DCC: variants seen among roughly 807,000 people sequenced by gnomAD.
DCC encodes the protein DCC netrin 1 receptor, also known as netrin receptor DCC.
DCC carries 58 observed loss-of-function variants against 172.5 expected under a neutral mutation model. The observed-to-expected ratio is 0.34, with a 90% CI of 0.27 to 0.42. DCC has a LOEUF of 0.42. DCC is among the 10% of genes least tolerant of loss of function. The probability of loss-of-function intolerance (pLI) is 1.00; values close to 1 mark genes in which losing one functional copy is unlikely to be tolerated. For synonymous variants in DCC, 709 were observed against 644.5 expected (o/e 1.10, Z -1.52); for missense variants, 1,740 against 1,791.0 (o/e 0.97, Z 0.51).
chr18:52,672,665 C>A (rs1261270944), intron 1 of DCC, among the ~76,000 whole-genome samples: 1 of 149,478 alleles, frequency 6.7e-6, no homozygotes, highest in Non-Finnish European at 1.5e-5. Flanking sequence ...CCCCTTGCCC[C>A]CTTCCCCCCT....
At chr18:53,138,905 T>C (rs2043789096) in intron 7 of DCC, among the ~76,000 whole-genome samples, 1 of 152,228 alleles carries the variant, frequency 6.6e-6, no homozygotes, top group Admixed American at 6.5e-5. Context: ...ATATTCACTT[T>C]CTAATACCAG....
At chr18:52,582,699 A>C (rs907849600) in intron 1 of DCC, among the ~76,000 whole-genome samples, 1 of 152,198 alleles carries the variant, frequency 6.6e-6, no homozygotes, top group African/African-American at 2.4e-5. Context: ...GATGGCTTCA[A>C]TATATCAGAA....
chr18:53,102,292 G>A (rs756229775), intron 7 of DCC, among the ~76,000 whole-genome samples: 3 of 151,944 alleles, frequency 2.0e-5, no homozygotes, highest in East Asian at 1.9e-4. Flanking sequence ...TAAAATGTTC[G>A]TCCTATTTTT....
chr18:52,579,739 T>C (rs2033500347), intron 1 of DCC, among the ~76,000 whole-genome samples: 2 of 152,204 alleles, frequency 1.3e-5, no homozygotes, highest in Admixed American at 1.3e-4. Flanking sequence ...TGGACCTATC[T>C]GGAATTGTCA....
At chr18:53,393,914 C>CCTCTCTCTCTCTCT (rs1323959382) in intron 17 of DCC, among the ~76,000 whole-genome samples, 1,776 of 108,144 alleles carry the variant, frequency 0.016, 24 homozygotes, top group African/African-American at 0.05. Context: ...TCTCTCTCTC[C>CCTCTCTCTCTCTCT]CTCTCTCCCT....
chr18:53,198,268 C>T (rs1201645354), intron 9 of DCC, among the ~76,000 whole-genome samples: 1 of 152,038 alleles, frequency 6.6e-6, no homozygotes, highest in East Asian at 1.9e-4. Flanking sequence ...CCCTACTCCT[C>T]AAAAAATATA....
intron 1 of DCC, among the ~76,000 whole-genome samples, chr18:52,499,828 G>C (rs368885668): frequency 6.6e-6 from 1 of 151,994 alleles, no homozygotes; most frequent in Non-Finnish European, 1.5e-5. Flanking sequence ...AGTGACTCAT[G>C]GTGCAAACAG....
intron 1 of DCC, among the ~76,000 whole-genome samples, chr18:52,746,603 G>C (rs75485426): frequency 5.3e-5 from 8 of 152,258 alleles, no homozygotes; most frequent in Non-Finnish European, 8.8e-5. Context: ...TTGGAACTGA[G>C]AAGAATATGA....
At chr18:53,455,017 T>G (rs1385863451) in intron 23 of DCC, among the ~76,000 whole-genome samples, 4 of 152,206 alleles carry the variant, frequency 2.6e-5, no homozygotes, top group Non-Finnish European at 4.4e-5. Context: ...AAATGGACAA[T>G]TAGGGGCTAG....
intron 1 of DCC, among the ~76,000 whole-genome samples, chr18:52,555,657 G>A (rs958399025): frequency 6.6e-6 from 1 of 152,006 alleles, no homozygotes; most frequent in Non-Finnish European, 1.5e-5. Flanking sequence ...GAAGGACTCA[G>A]GTTTGCTTTT....
At chr18:52,709,971 G>A (rs951602473) in intron 1 of DCC, among the ~76,000 whole-genome samples, 16 of 152,266 alleles carry the variant, frequency 1.1e-4, no homozygotes, top group Middle Eastern at 3.4e-3. Flanking sequence ...AGAATGTGGA[G>A]GAATAGGCAT....
chr18:52,864,160 G>T (rs2039185645), intron 2 of DCC, among the ~76,000 whole-genome samples: 1 of 152,040 alleles, frequency 6.6e-6, no homozygotes, highest in Non-Finnish European at 1.5e-5. Flanking sequence ...AAGGGCAGTT[G>T]GATTAAAACT....
intron 25 of DCC, among the ~76,000 whole-genome samples, chr18:53,480,204 A>G (rs969823328): frequency 5.9e-5 from 9 of 152,202 alleles, no homozygotes; most frequent in African/African-American, 2.2e-4. Context: ...GAAGGAGTAT[A>G]GTAGGAGATT....
intron 7 of DCC, among the ~76,000 whole-genome samples, chr18:53,103,358 G>A (rs1252331601): frequency 6.6e-6 from 1 of 152,004 alleles, no homozygotes; most frequent in Non-Finnish European, 1.5e-5. Flanking sequence ...AAAGCAGCAT[G>A]TTTTGTATTT....
intron 12 of DCC, among the ~76,000 whole-genome samples, chr18:53,267,418 C>G (rs908718312): frequency 7.9e-5 from 12 of 152,172 alleles, no homozygotes; most frequent in Middle Eastern, 3.4e-3. Context: ...AACTCCTGAC[C>G]TCAGGTGACC....
At chr18:53,425,355 C>CTTTTTTTTTTTTTT (rs1338640000) in intron 21 of DCC, among the ~76,000 whole-genome samples, 16 of 86,552 alleles carry the variant, frequency 1.8e-4, no homozygotes, top group Admixed American at 5.5e-4. Context: ...CGTTTCTCCT[C>CTTTTTTTTTTTTTT]TCTTTTTTTT....
intron 1 of DCC, among the ~76,000 whole-genome samples, chr18:52,465,830 T>C (rs1988769600): frequency 6.6e-6 from 1 of 152,168 alleles, no homozygotes; most frequent in African/African-American, 2.4e-5. Context: ...AAGAGAAACC[T>C]TATCTCTAAC....
At chr18:53,385,893 G>T (rs184611842) in intron 15 of DCC, 150 bp from the exon 16 acceptor site, 13 of 675,320 alleles carry the variant, frequency 1.9e-5, no homozygotes, top group Admixed American at 8.6e-5. Flanking sequence ...ACCACCCACT[G>T]CCACTTTCCT....
chr18:52,782,185 G>C (rs2037557408), intron 2 of DCC, among the ~76,000 whole-genome samples: 1 of 152,126 alleles, frequency 6.6e-6, no homozygotes, highest in Non-Finnish European at 1.5e-5. Flanking sequence ...GCTCTTTAGA[G>C]AGAATATTTT....
Sources: gnomAD v4.1 joint callset for allele counts (sites outside exome capture counted in the v4.1 genomes callset) on GRCh38, gnomAD v4.1.1 for gene constraint, MANE v1.5 for transcripts, NCBI Gene and HGNC (gene_info 2026-07-23, HGNC 2026-07-21) for gene names.